DLGAP2: variants seen among roughly 807,000 people sequenced by gnomAD.
DLGAP2 encodes disks large-associated protein 2.
A neutral mutation model predicts 100.3 loss-of-function variants in DLGAP2; 26 were observed. The observed-to-expected ratio is 0.26, with a 90% CI of 0.19 to 0.36. The LOEUF (loss-of-function observed/expected upper bound fraction) is 0.36. Ranked by LOEUF, DLGAP2 falls within the 10% of genes least tolerant of loss-of-function variation. The pLI, the probability that DLGAP2 is intolerant of heterozygous loss-of-function variation, is 1.00. For synonymous variants in DLGAP2, 886 were observed against 630.1 expected (o/e 1.41, Z -6.08); for missense variants, 1,858 against 1,453.2 (o/e 1.28, Z -4.53).
At chr8:1,322,634 C>T (rs1028362679) in intron 3 of DLGAP2, among the ~76,000 whole-genome samples, 1 of 151,986 alleles carries the variant, frequency 6.6e-6, no homozygotes, top group Non-Finnish European at 1.5e-5. Context: ...TGTGATTTCA[C>T]GTGTATTGTT....
intron 1 of DLGAP2, among the ~76,000 whole-genome samples, chr8:744,351 G>C (rs1180993755): frequency 6.6e-6 from 1 of 152,174 alleles, no homozygotes; most frequent in African/African-American, 2.4e-5. Flanking sequence ...CACTCTGTGA[G>C]GAAGGGTCTT....
chr8:1,487,659 T>C (rs1365745502), intron 3 of DLGAP2, among the ~76,000 whole-genome samples: 1 of 152,192 alleles, frequency 6.6e-6, no homozygotes, highest in Non-Finnish European at 1.5e-5. Context: ...GATTTCATGG[T>C]GTAGGAATCG....
chr8:1,392,515 G>C (rs181876651), intron 3 of DLGAP2, among the ~76,000 whole-genome samples: 27 of 152,332 alleles, frequency 1.8e-4, no homozygotes, highest in African/African-American at 6.5e-4. Flanking sequence ...CCTCATTGCC[G>C]AGTGTGAGAA....
chr8:1,138,300 G>C (rs1019817446), intron 2 of DLGAP2, among the ~76,000 whole-genome samples: 7 of 152,196 alleles, frequency 4.6e-5, no homozygotes, highest in Non-Finnish European at 7.3e-5. Context: ...GGGAGGCCTG[G>C]GTGTCCTGTC....
At chr8:1,559,576 A>C (rs1028431171) in intron 5 of DLGAP2, among the ~76,000 whole-genome samples, 6 of 152,340 alleles carry the variant, frequency 3.9e-5, no homozygotes, top group African/African-American at 9.6e-5. Context: ...AGAAACATAC[A>C]AGCTGGTCTC....
intron 2 of DLGAP2, among the ~76,000 whole-genome samples, chr8:981,593 T>C: frequency 6.6e-6 from 1 of 152,146 alleles, no homozygotes; most frequent in East Asian, 1.9e-4. Flanking sequence ...ATGGTATTTT[T>C]TGTTGTTTGA....
At chr8:1,070,955 G>A (rs1803409424) in intron 2 of DLGAP2, among the ~76,000 whole-genome samples, 1 of 152,212 alleles carries the variant, frequency 6.6e-6, no homozygotes, top group Non-Finnish European at 1.5e-5. Flanking sequence ...GACTCAGCCT[G>A]TGTTCCGATG....
At chr8:1,033,210 C>T (rs989560729) in intron 2 of DLGAP2, among the ~76,000 whole-genome samples, 4 of 152,240 alleles carry the variant, frequency 2.6e-5, no homozygotes, top group Admixed American at 2.6e-4. Flanking sequence ...CAGGCCTGAG[C>T]ATCTAAGCAA....
chr8:1,382,579 AT>A (rs1796121034), intron 3 of DLGAP2, among the ~76,000 whole-genome samples: 1 of 152,208 alleles, frequency 6.6e-6, no homozygotes, highest in African/African-American at 2.4e-5. Flanking sequence ...CTACAAAAAA[AT>A]AAACTTTTAA....
At chr8:770,887 A>G (rs1821338506) in intron 1 of DLGAP2, among the ~76,000 whole-genome samples, 1 of 150,806 alleles carries the variant, frequency 6.6e-6, no homozygotes, top group Non-Finnish European at 1.5e-5. Flanking sequence ...TTTTTTTTTA[A>G]AGTAGAAGGA....
chr8:900,308 C>T (rs973761294), intron 1 of DLGAP2, among the ~76,000 whole-genome samples: 7 of 143,082 alleles, frequency 4.9e-5, no homozygotes, highest in Admixed American at 2.1e-4. Context: ...GGACGGTGGG[C>T]GCCCTCCTCT....
chr8:1,096,235 A>G (rs554769520), intron 2 of DLGAP2, among the ~76,000 whole-genome samples: 3 of 152,326 alleles, frequency 2.0e-5, no homozygotes, highest in African/African-American at 7.2e-5. Flanking sequence ...CCCAAGCTCT[A>G]AGAAGCACCT....
intron 2 of DLGAP2, among the ~76,000 whole-genome samples, chr8:969,639 A>G (rs957306022): frequency 6.6e-6 from 1 of 152,094 alleles, no homozygotes; most frequent in African/African-American, 2.4e-5. Context: ...TGGGTGCTCT[A>G]AAAGTTCCTT....
chr8:1,157,281 G>T (rs1796810016), intron 2 of DLGAP2, among the ~76,000 whole-genome samples: 1 of 152,182 alleles, frequency 6.6e-6, no homozygotes, highest in African/African-American at 2.4e-5. Flanking sequence ...TGGCACAGAT[G>T]CGGGCTGTGA....
Position 1,023,855 on chromosome 8 carries a change from A to ATGTGTGTGTGTGTGTGTG in DLGAP2, c.73+115890_73+115891insGTGTGTGTGTGTGTGTGT, listed in dbSNP as rs1192338772. ...CCGTCTGCAAGTGCTCAAACTTTATATATGTGTGTGTGTGTGTGTGTGTGT... is the reference window on the plus strand; with the variant it reads ...CCGTCTGCAAGTGCTCAAACTTTATATGTGTGTGTGTGTGTGTGTATGTGTGTGTGTGTGTGTGTGTGT... On this transcript the variant is annotated intron_variant, in intron 2 of 14. Transcript: ENST00000637795. Among the ~76,000 whole-genome samples, 568 of 59,214 alleles carry ATGTGTGTGTGTGTGTGTG rather than the reference A, an allele frequency of 9.6e-3. 3 individuals are homozygous for ATGTGTGTGTGTGTGTGTG. Among genetic ancestry groups the ATGTGTGTGTGTGTGTGTG allele is most frequent in the African/African-American group, 0.024 (506 of 21,168 alleles). The allele number at this position is 59,214 out of a possible 152,430, so 38.8% of individuals were successfully genotyped here.
intron 8 of DLGAP2, among the ~76,000 whole-genome samples, chr8:1,640,028 G>A (rs1797859527): frequency 6.6e-6 from 1 of 152,210 alleles, no homozygotes; most frequent in African/African-American, 2.4e-5. Flanking sequence ...CATTTTTGGA[G>A]GGGCGTTATT....
chr8:1,075,118 G>C (rs568033393), intron 2 of DLGAP2, among the ~76,000 whole-genome samples: 62 of 152,334 alleles, frequency 4.1e-4, no homozygotes, highest in African/African-American at 1.5e-3. Flanking sequence ...CTCTGGCGAT[G>C]TCCTCAGACT....
intron 2 of DLGAP2, among the ~76,000 whole-genome samples, chr8:1,022,529 C>A (rs368757700): frequency 2.7e-5 from 4 of 147,342 alleles, no homozygotes; most frequent in Non-Finnish European, 3.0e-5. Context: ...CCAGCCGCCA[C>A]CCATCCTCCC....
chr8:971,921 C>A (rs1217097096), intron 2 of DLGAP2, among the ~76,000 whole-genome samples: 1 of 152,188 alleles, frequency 6.6e-6, no homozygotes, highest in Non-Finnish European at 1.5e-5. Flanking sequence ...TATTATAGAA[C>A]TGAGACCCAA....
Sources: allele counts gnomAD v4.1 joint callset (sites outside exome capture counted in the v4.1 genomes callset), GRCh38; gene constraint gnomAD v4.1.1; transcripts MANE v1.5; gene names NCBI Gene and HGNC (gene_info 2026-07-23, HGNC 2026-07-21).